Variants in AGMO observed in about 807,000 individuals in gnomAD.
AGMO encodes the protein glyceryl-ether monooxygenase.
A neutral mutation model predicts 60.2 loss-of-function variants in AGMO; 75 were observed. The ratio of observed to expected loss-of-function variants is 1.25; its 90% CI spans 1.03 to 1.51. The LOEUF (loss-of-function observed/expected upper bound fraction) is 1.51. Ranked by LOEUF, AGMO falls within the 40% of genes most tolerant of loss-of-function variation. AGMO has a pLI of 0.00. For synonymous variants in AGMO, 261 were observed against 177.1 expected (o/e 1.47, Z -3.76); for missense variants, 763 against 525.5 (o/e 1.45, Z -4.42).
intron 12 of AGMO, among the ~76,000 whole-genome samples, chr7:15,324,252 G>A (rs1433450599): frequency 6.6e-6 from 1 of 152,112 alleles, no homozygotes; most frequent in Non-Finnish European, 1.5e-5. Flanking sequence ...CCATAGTTGA[G>A]ACAGAAAACT....
intron 12 of AGMO, among the ~76,000 whole-genome samples, chr7:15,253,183 A>G (rs1782990020): frequency 6.6e-6 from 1 of 152,196 alleles, no homozygotes; most frequent in Non-Finnish European, 1.5e-5. Flanking sequence ...AAATTTCTGG[A>G]GTGCTATTTT....
intron 2 of AGMO, among the ~76,000 whole-genome samples, chr7:15,548,751 T>C (rs1380244097): frequency 6.6e-6 from 1 of 152,118 alleles, no homozygotes; most frequent in Non-Finnish European, 1.5e-5. Flanking sequence ...TGCAGGATAT[T>C]ATCCAGGAGA....
chr7:15,340,398 G>A (rs539490057), intron 12 of AGMO, among the ~76,000 whole-genome samples: 10 of 152,194 alleles, frequency 6.6e-5, no homozygotes, highest in South Asian at 2.1e-4. Context: ...ACTTCAGGTC[G>A]GCTCTTTAGA....
the AGMO span, among the ~76,000 whole-genome samples, chr7:15,137,425 T>C: frequency 6.6e-6 from 1 of 152,246 alleles, no homozygotes; most frequent in Non-Finnish European, 1.5e-5. Flanking sequence ...GTTATTCAAA[T>C]TGTTAACAGT....
intron 12 of AGMO, among the ~76,000 whole-genome samples, chr7:15,256,474 C>T (rs1783101978): frequency 6.6e-6 from 1 of 152,090 alleles, no homozygotes; most frequent in South Asian, 2.1e-4. Flanking sequence ...TCCCGAGTAG[C>T]TGGGACTACA....
intron 12 of AGMO, among the ~76,000 whole-genome samples, chr7:15,311,339 A>G (rs910147401): frequency 3.9e-5 from 6 of 152,156 alleles, no homozygotes; most frequent in African/African-American, 1.2e-4. Flanking sequence ...ACTTAGAAAA[A>G]TAAGTAAAAA....
chr7:15,368,299 G>T (rs1029651877), intron 10 of AGMO, among the ~76,000 whole-genome samples: 5 of 148,172 alleles, frequency 3.4e-5, no homozygotes, highest in African/African-American at 1.3e-4. Flanking sequence ...AAAAAAACCA[G>T]AAAAATATTT....
At chr7:15,354,831 TTTG>T (rs779911337) in intron 12 of AGMO, among the ~76,000 whole-genome samples, 3 of 151,016 alleles carry the variant, frequency 2.0e-5, no homozygotes, top group Non-Finnish European at 4.4e-5. Context: ...TTCACGAGAA[TTTG>T]TTTTCTAAAA....
chr7:15,365,380 T>TAAAAAAAAAAAGAAA, intron 12 of AGMO, 134 bp downstream of exon 12: 1 of 215,438 alleles, frequency 4.6e-6, no homozygotes, highest in Non-Finnish European at 7.7e-6. Context: ...TACTGGTAAG[T>TAAAAAAAAAAAGAAA]AAAAAAAAAA....
chr7:15,397,474 G>A (rs1341128141), intron 5 of AGMO, among the ~76,000 whole-genome samples: 3 of 152,154 alleles, frequency 2.0e-5, no homozygotes, highest in East Asian at 1.9e-4. Flanking sequence ...GCGGGCTGAA[G>A]GGCTCCTCGA....
At chr7:15,361,104 T>G (rs2067113089) in intron 12 of AGMO, among the ~76,000 whole-genome samples, 1 of 152,102 alleles carries the variant, frequency 6.6e-6, no homozygotes, top group Non-Finnish European at 1.5e-5. Context: ...CATAGGACAC[T>G]GCTAACACAG....
At chr7:15,496,730 T>A (rs1783243038) in intron 3 of AGMO, among the ~76,000 whole-genome samples, 1 of 152,188 alleles carries the variant, frequency 6.6e-6, no homozygotes, top group Non-Finnish European at 1.5e-5. Flanking sequence ...ATATGTATAA[T>A]AAAATATTGG....
chr7:15,558,763 A>G (rs911888835), intron 2 of AGMO, among the ~76,000 whole-genome samples: 1 of 152,100 alleles, frequency 6.6e-6, no homozygotes, highest in Non-Finnish European at 1.5e-5. Flanking sequence ...TTTTAAGTTT[A>G]CTTTTATTTA....
intron 5 of AGMO, among the ~76,000 whole-genome samples, chr7:15,416,353 A>G (rs983545663): frequency 1.3e-5 from 2 of 152,108 alleles, no homozygotes; most frequent in Non-Finnish European, 2.9e-5. Context: ...TTTATTTATC[A>G]AAATAACTCA....
intron 12 of AGMO, among the ~76,000 whole-genome samples, chr7:15,305,299 G>C (rs1048897052): frequency 6.6e-6 from 1 of 150,676 alleles, no homozygotes; most frequent in Non-Finnish European, 1.5e-5. Context: ...CCTAAAATAA[G>C]GTTTGAAGAT....
chr7:15,331,037 T>TG (rs1424192721), intron 12 of AGMO, among the ~76,000 whole-genome samples: 1 of 152,106 alleles, frequency 6.6e-6, no homozygotes, highest in Non-Finnish European at 1.5e-5. Flanking sequence ...TTGTTCTCTC[T>TG]GGGGGAAGCT....
chr7:15,225,718 A>C (rs1351484583), intron 12 of AGMO, among the ~76,000 whole-genome samples: 1 of 152,014 alleles, frequency 6.6e-6, no homozygotes, highest in East Asian at 1.9e-4. Context: ...ATATTCATGT[A>C]AAAGGTCATT....
At chr7:15,371,543 A>AC (rs1783215099) in intron 10 of AGMO, among the ~76,000 whole-genome samples, 1 of 151,566 alleles carries the variant, frequency 6.6e-6, no homozygotes, top group African/African-American at 2.4e-5. Context: ...GGCACCTACC[A>AC]CCTTACATAC....
chr7:15,119,318 G>A, the AGMO span, among the ~76,000 whole-genome samples: 7 of 152,030 alleles, frequency 4.6e-5, no homozygotes, highest in African/African-American at 1.7e-4. Context: ...CATGCTTCCT[G>A]TACAGCCTGC....
Sources: allele counts gnomAD v4.1 joint callset (sites outside exome capture counted in the v4.1 genomes callset), GRCh38; gene constraint gnomAD v4.1.1; transcripts MANE v1.5; gene names NCBI Gene and HGNC (gene_info 2026-07-23, HGNC 2026-07-21).